Variants in STX18 observed in about 807,000 individuals in gnomAD.
STX18 encodes syntaxin-18.
Under a neutral mutation model 50.1 loss-of-function variants are expected in STX18, and 40 were observed. The ratio of observed to expected loss-of-function variants is 0.80; its 90% CI spans 0.62 to 1.04. The LOEUF (loss-of-function observed/expected upper bound fraction) is 1.04. Ranked by LOEUF, STX18 falls within the 50% of genes least tolerant of loss-of-function variation. The pLI, the probability that STX18 is intolerant of heterozygous loss-of-function variation, is 0.00. For synonymous variants in STX18, 158 were observed against 151.8 expected, an observed-to-expected ratio of 1.04 and a Z score of -0.30; for missense variants, 410 against 415.8, an observed-to-expected ratio of 0.99 and a Z score of 0.12.
chr4:4,445,609 A>T (rs1577329144), intron 5 of STX18, among the ~76,000 whole-genome samples: 2 of 152,252 alleles, frequency 1.3e-5, no homozygotes, highest in East Asian at 1.9e-4. Flanking sequence ...AAAATCCAGG[A>T]ATAAATCTAA....
At chr4:4,529,379 C>G (rs6857988) in intron 1 of STX18, among the ~76,000 whole-genome samples, 1 of 152,042 alleles carries the variant, frequency 6.6e-6, no homozygotes, top group African/African-American at 2.4e-5. Flanking sequence ...AAGAAATGCA[C>G]GGTCACAAGG....
chr4:4,478,095 T>C (rs752668324), intron 1 of STX18: 5 of 152,226 alleles, frequency 3.3e-5, no homozygotes, highest in Non-Finnish European at 7.3e-5. Context: ...GTGTTCATGT[T>C]ATGTTTAGCT....
chr4:4,422,617 C>G (rs892186816), intron 9 of STX18, among the ~76,000 whole-genome samples: 2 of 152,036 alleles, frequency 1.3e-5, no homozygotes, highest in Non-Finnish European at 2.9e-5. Context: ...AAAAGAAACT[C>G]CCGGTGAGCC....
intron 5 of STX18, among the ~76,000 whole-genome samples, chr4:4,450,409 C>T (rs1577333601): frequency 6.6e-6 from 1 of 152,296 alleles, no homozygotes; most frequent in Non-Finnish European, 1.5e-5. Flanking sequence ...GCAACCTGCA[C>T]CTCCCGAGTC....
chr4:4,514,698 T>C (rs988478846), intron 1 of STX18, among the ~76,000 whole-genome samples: 1 of 151,344 alleles, frequency 6.6e-6, no homozygotes, highest in African/African-American at 2.4e-5. Context: ...AATCAGAGAA[T>C]ATAAAATCCA....
chr4:4,472,327 G>A (rs568982404), intron 1 of STX18, among the ~76,000 whole-genome samples: 3 of 152,324 alleles, frequency 2.0e-5, no homozygotes, highest in South Asian at 4.1e-4. Flanking sequence ...CAGGTACTGT[G>A]CATGGAACTA....
At chr4:4,478,491 T>A (rs866296321) in intron 1 of STX18, among the ~76,000 whole-genome samples, 4 of 152,338 alleles carry the variant, frequency 2.6e-5, no homozygotes, top group South Asian at 2.1e-4. Context: ...CCAGGATTGT[T>A]CATTCTCCCG....
At chr4:4,498,652 G>A (rs1046019602) in intron 1 of STX18, among the ~76,000 whole-genome samples, 1 of 152,160 alleles carries the variant, frequency 6.6e-6, no homozygotes, top group African/African-American at 2.4e-5. Flanking sequence ...ACTATTGTCA[G>A]AGCAAAACTA....
chr4:4,452,225 T>C (rs967016260), intron 5 of STX18, among the ~76,000 whole-genome samples: 3 of 152,158 alleles, frequency 2.0e-5, no homozygotes, highest in African/African-American at 2.4e-5. Flanking sequence ...GGTTGGTTCA[T>C]GACATTTAAA....
chr4:4,422,073 G>A (rs1724997162), intron 9 of STX18, among the ~76,000 whole-genome samples: 1 of 152,136 alleles, frequency 6.6e-6, no homozygotes, highest in African/African-American at 2.4e-5. Flanking sequence ...CACATTGTAG[G>A]GAGGAAGGCA....
chr4:4,540,965 G>A (rs1364690983), intron 1 of STX18, among the ~76,000 whole-genome samples: 1 of 152,106 alleles, frequency 6.6e-6, no homozygotes, highest in Non-Finnish European at 1.5e-5. Flanking sequence ...CTTGAAGAGG[G>A]CAGACAGAAC....
intron 3 of STX18, among the ~76,000 whole-genome samples, chr4:4,458,999 A>T (rs1370177711): frequency 6.6e-6 from 1 of 152,146 alleles, no homozygotes; most frequent in Non-Finnish European, 1.5e-5. Flanking sequence ...ACAGAGGCAC[A>T]CATGTGCATA....
At chr4:4,428,096 G>A (rs1172106151) in intron 7 of STX18, among the ~76,000 whole-genome samples, 2 of 152,258 alleles carry the variant, frequency 1.3e-5, no homozygotes, top group Admixed American at 6.5e-5. Context: ...CTTGTACCAG[G>A]TTTCAGTATG....
intron 5 of STX18, among the ~76,000 whole-genome samples, chr4:4,450,695 C>G (rs946716732): frequency 2.0e-5 from 3 of 152,196 alleles, no homozygotes; most frequent in Admixed American, 6.5e-5. Context: ...GGATCAGTCC[C>G]TCTCCTGGCT....
At chr4:4,505,068 T>G (rs1010446732) in intron 1 of STX18, among the ~76,000 whole-genome samples, 3 of 152,180 alleles carry the variant, frequency 2.0e-5, no homozygotes, top group African/African-American at 7.2e-5. Flanking sequence ...CCATTAGTGG[T>G]CACTCCCCAT....
At chr4:4,495,537 C>T (rs73201725) in intron 1 of STX18, among the ~76,000 whole-genome samples, 26,248 of 150,420 alleles carry the variant, frequency 0.17, 2,535 homozygotes, top group South Asian at 0.3. Flanking sequence ...TACAGGCACG[C>T]GTGTCTGGCT....
At chr4:4,444,698 A>C (rs7693922) in intron 5 of STX18, among the ~76,000 whole-genome samples, 337 of 152,030 alleles carry the variant, frequency 2.2e-3, no homozygotes, top group African/African-American at 7.7e-3. Context: ...TCTGAGTTCC[A>C]TGAGTTCTTC....
In STX18 at chr4:4,434,873, A is replaced by G. The variant is rs372118538; in HGVS notation, c.614-15T>C. The G allele has an allele frequency of 1.4e-5, 22 of 1,584,088 alleles. No homozygotes were observed. In the African/African-American group the frequency reaches 2.9e-4, roughly 21 times the overall value. On this transcript the variant is annotated splice_polypyrimidine_tract_variant and intron_variant, in intron 6 of 10. Coordinates refer to ENST00000306200, the MANE Select transcript of STX18 (RefSeq NM_016930.4). ...CAAAATTTTTTCTGTTAAAAAAAAA[A>G]TTGAAAATAGAAGACCAAATATGTG...
intron 1 of STX18, among the ~76,000 whole-genome samples, chr4:4,523,864 C>G (rs747075500): frequency 5.3e-5 from 8 of 152,176 alleles, no homozygotes; most frequent in Non-Finnish European, 1.0e-4. Flanking sequence ...TGCCATTCCT[C>G]TCCCATTCTA....
Sources: gnomAD v4.1 joint callset for allele counts (sites outside exome capture counted in the v4.1 genomes callset) on GRCh38, gnomAD v4.1.1 for gene constraint, MANE v1.5 for transcripts, NCBI Gene and HGNC (gene_info 2026-07-23, HGNC 2026-07-21) for gene names.